Variants in SUPT3H observed in about 807,000 individuals in gnomAD.
SUPT3H encodes SPT3 homolog, SAGA and STAGA complex component, also known as transcription initiation protein SPT3 homolog.
Under a neutral mutation model 44.3 loss-of-function variants are expected in SUPT3H, and 44 were observed. The ratio of observed to expected loss-of-function variants is 0.99; its 90% confidence interval spans 0.78 to 1.28. The LOEUF is 1.28. Ranked by LOEUF, SUPT3H falls within the 50% of genes most tolerant of loss-of-function variation. The pLI is 0.00. For synonymous variants in SUPT3H, 124 were observed against 125.6 expected (o/e 0.99, Z 0.09); for missense variants, 380 against 387.1 (o/e 0.98, Z 0.15).
chr6:45,211,894 T>C (rs548869184), intron 2 of SUPT3H, among the ~76,000 whole-genome samples: 2 of 148,096 alleles, frequency 1.4e-5, no homozygotes, highest in Non-Finnish European at 3.0e-5. Context: ...CCAGGCACAG[T>C]GGCTCACATG....
intron 3 of SUPT3H, among the ~76,000 whole-genome samples, chr6:45,058,762 C>T (rs925172098): frequency 3.3e-5 from 5 of 152,136 alleles, no homozygotes; most frequent in African/African-American, 1.2e-4. Context: ...GCCAAACTCA[C>T]TACGCATTAT....
At position 45,020,620 on chromosome 6, in the gene SUPT3H, C is replaced by T. The variant is rs1330315325; in HGVS notation, c.199G>A (p.Ala67Thr). 1.2e-6 allele frequency: 2 copies of T among 1,610,308 alleles called. No homozygotes were observed. Among genetic ancestry groups the T allele is most frequent in the Non-Finnish European group, 1.7e-6 (2 of 1,177,788 alleles). Reference sequence around the variant, plus strand: ...GCTCCCCGCAGCTGAGAAACTTCAGCAGCTTGCTGTAACTAACAATAATGA... The same window carrying T: ...GCTCCCCGCAGCTGAGAAACTTCAGTAGCTTGCTGTAACTAACAATAATGA... ...TQLINLLQQA[A>T]EVSQLRGARV... is the part of the protein sequence containing the mutation. The change falls in exon 4 of 11, where the codon GCT becomes ACT. Residue 67 changes from alanine to threonine, a missense_variant. Transcript: ENST00000371459.
intron 10 of SUPT3H, among the ~76,000 whole-genome samples, chr6:44,889,025 A>G (rs979893843): frequency 6.7e-6 from 1 of 148,422 alleles, no homozygotes; most frequent in African/African-American, 2.5e-5. Context: ...AATTGCTTCA[A>G]AGAGAATAAA....
intron 5 of SUPT3H, among the ~76,000 whole-genome samples, chr6:45,007,751 T>G (rs72867436): frequency 0.2 from 30,068 of 149,936 alleles, 3,560 homozygotes; most frequent in Non-Finnish European, 0.28. Context: ...TTTTTTTTTT[T>G]GCTGCTTGAT....
intron 2 of SUPT3H, among the ~76,000 whole-genome samples, chr6:45,288,102 A>C (rs1779615042): frequency 6.6e-6 from 1 of 152,138 alleles, no homozygotes; most frequent in South Asian, 2.1e-4. Flanking sequence ...TTTTCTAAAG[A>C]GAATCCTAGA....
chr6:45,161,824 A>G (rs1362529793), intron 2 of SUPT3H, among the ~76,000 whole-genome samples: 1 of 152,168 alleles, frequency 6.6e-6, no homozygotes, highest in Non-Finnish European at 1.5e-5. Flanking sequence ...GGCTTAATTT[A>G]AACACTATTT....
intron 2 of SUPT3H, among the ~76,000 whole-genome samples, chr6:45,296,197 C>T (rs1781193233): frequency 6.6e-6 from 1 of 151,642 alleles, no homozygotes; most frequent in African/African-American, 2.4e-5. Context: ...CACACACACA[C>T]ACACACACAC....
chr6:44,953,384 T>C lies in SUPT3H; in HGVS notation c.727A>G (p.Met243Val). 4 of 1,614,116 alleles carry C rather than the reference T, an allele frequency of 2.5e-6. No individual in the cohort carries two copies. The highest frequency in any genetic ancestry group is 3.4e-6 in the Non-Finnish European group (4 of 1,179,972). ...VDLALLVRQDMVTKAGDPFSH... is the reference protein window; with the variant it reads ...VDLALLVRQDVVTKAGDPFSH... ...AAGGGGTCCCCTGCCTTGGTTACCA[T>C]GTCTTGCCTCACAAGAAGAGCCAGA... Residue 243 changes from methionine to valine, a missense_variant, in exon 9 of 11, where the codon ATG becomes GTG. Coordinates refer to ENST00000371459, the MANE Select transcript of SUPT3H (RefSeq NM_003599.4).
intron 2 of SUPT3H, among the ~76,000 whole-genome samples, chr6:45,222,385 G>A (rs1371917274): frequency 6.6e-6 from 1 of 152,062 alleles, no homozygotes; most frequent in East Asian, 1.9e-4. Flanking sequence ...ACAGAAGGCA[G>A]GAATGGACAT....
chr6:44,945,464 C>T (rs1313943386), intron 9 of SUPT3H, among the ~76,000 whole-genome samples: 8 of 152,106 alleles, frequency 5.3e-5, no homozygotes, highest in Non-Finnish European at 7.4e-5. Flanking sequence ...GCTGTGAGTG[C>T]CAAGGCAAAG....
chr6:45,152,318 C>T (rs1454880426), intron 2 of SUPT3H, among the ~76,000 whole-genome samples: 5 of 152,116 alleles, frequency 3.3e-5, no homozygotes, highest in Admixed American at 6.6e-5. Flanking sequence ...TGCGAGCTAC[C>T]TTTAGAATAT....
intron 2 of SUPT3H, among the ~76,000 whole-genome samples, chr6:45,216,036 G>T (rs959019554): frequency 6.6e-6 from 1 of 152,178 alleles, no homozygotes; most frequent in African/African-American, 2.4e-5. Context: ...GATGAAAAGT[G>T]TGGGGGGATG....
intron 2 of SUPT3H, among the ~76,000 whole-genome samples, chr6:45,143,813 A>G (rs1183347685): frequency 6.6e-6 from 1 of 152,166 alleles, no homozygotes; most frequent in Non-Finnish European, 1.5e-5. Context: ...ATTAACCAAG[A>G]AAAGAAGAGA....
intron 10 of SUPT3H, among the ~76,000 whole-genome samples, chr6:44,884,428 T>C (rs1445496286): frequency 6.6e-6 from 1 of 152,158 alleles, no homozygotes; most frequent in Admixed American, 6.5e-5. Flanking sequence ...AGTTCAACCA[T>C]TGTGGAAGAC....
chr6:44,990,791 A>G (rs1041241791), intron 6 of SUPT3H, among the ~76,000 whole-genome samples: 6 of 152,102 alleles, frequency 3.9e-5, no homozygotes, highest in African/African-American at 1.4e-4. Flanking sequence ...TTCTTTGCAG[A>G]TATTTGTGTA....
At chr6:45,208,865 G>C (rs1763630132) in intron 2 of SUPT3H, among the ~76,000 whole-genome samples, 1 of 24,620 alleles carries the variant, frequency 4.1e-5, no homozygotes, top group South Asian at 1.3e-3. Flanking sequence ...CTCTTGTTAG[G>C]GGCTCATGAG....
At chr6:44,901,516 G>C (rs1283612210) in intron 10 of SUPT3H, among the ~76,000 whole-genome samples, 1 of 151,994 alleles carries the variant, frequency 6.6e-6, no homozygotes, top group South Asian at 2.1e-4. Context: ...AGAAATATGG[G>C]ACTATGTGAA....
At chr6:44,929,727 C>T (rs1360616366) in intron 10 of SUPT3H, among the ~76,000 whole-genome samples, 1 of 151,014 alleles carries the variant, frequency 6.6e-6, no homozygotes, top group Non-Finnish European at 1.5e-5. Flanking sequence ...GGGAAGTGAA[C>T]ATCAGCATCC....
chr6:45,230,122 C>G (rs1413484911), intron 2 of SUPT3H, among the ~76,000 whole-genome samples: 3 of 152,158 alleles, frequency 2.0e-5, no homozygotes, highest in Non-Finnish European at 4.4e-5. Flanking sequence ...TTTCACTGAA[C>G]ACAATGACCT....
Sources: allele counts gnomAD v4.1 joint callset (sites outside exome capture counted in the v4.1 genomes callset), GRCh38; gene constraint gnomAD v4.1.1; transcripts MANE v1.5; gene names NCBI Gene and HGNC (gene_info 2026-07-23, HGNC 2026-07-21).